The following AGBL4 variants were observed in gnomAD, a reference collection of about 807,000 sequenced individuals.
AGBL4 encodes cytosolic carboxypeptidase 6.
Under a neutral mutation model 66.4 loss-of-function variants are expected in AGBL4, and 58 were observed. The observed-to-expected ratio is 0.87, with a 90% CI of 0.71 to 1.09. AGBL4 has a LOEUF of 1.09. Among genes scored for constraint, AGBL4 ranks in the 50% least tolerant of loss-of-function variants. AGBL4 has a pLI of 0.00. For synonymous variants in AGBL4, 234 were observed against 222.9 expected (o/e 1.05, Z -0.44); for missense variants, 579 against 631.0 (o/e 0.92, Z 0.88).
chr1:49,842,231 G>T, intron 2 of AGBL4: 1 of 435,714 alleles, frequency 2.3e-6, no homozygotes, highest in Non-Finnish European at 4.5e-6. Context: ...GCTGGAGCCT[G>T]CCCAGAGGGC....
At chr1:49,015,882 C>A (rs560535229) in intron 5 of AGBL4, among the ~76,000 whole-genome samples, 82 of 152,060 alleles carry the variant, frequency 5.4e-4, no homozygotes, top group Middle Eastern at 3.4e-3. Flanking sequence ...CGGAAAAAAA[C>A]CCCCAAAAAC....
intron 1 of AGBL4, among the ~76,000 whole-genome samples, chr1:49,944,350 G>A (rs571555207): frequency 5.9e-5 from 9 of 152,218 alleles, no homozygotes; most frequent in Non-Finnish European, 1.0e-4. Flanking sequence ...ACGGCTAAGA[G>A]AACCTCAGAT....
At chr1:49,287,236 G>C (rs1361843745) in intron 3 of AGBL4, among the ~76,000 whole-genome samples, 2 of 137,906 alleles carry the variant, frequency 1.5e-5, no homozygotes, top group African/African-American at 5.5e-5. Context: ...AGACTTAAAC[G>C]TTAGACCTAA....
At chr1:48,834,458 A>G (rs1040904633) in intron 6 of AGBL4, among the ~76,000 whole-genome samples, 1 of 152,108 alleles carries the variant, frequency 6.6e-6, no homozygotes, top group African/African-American at 2.4e-5. Context: ...AACTTTCAAT[A>G]TGATAGTATG....
intron 5 of AGBL4, among the ~76,000 whole-genome samples, chr1:48,937,466 CA>C (rs1655577701): frequency 6.6e-6 from 1 of 151,846 alleles, no homozygotes; most frequent in African/African-American, 2.4e-5. Flanking sequence ...GACATGCCTT[CA>C]AAAAAATAAG....
At chr1:49,542,069 C>A (rs766726435) in intron 3 of AGBL4, among the ~76,000 whole-genome samples, 1 of 152,118 alleles carries the variant, frequency 6.6e-6, no homozygotes, top group African/African-American at 2.4e-5. Flanking sequence ...ACTTGGAGAA[C>A]GTTTGTGTCT....
chr1:49,451,722 T>C (rs1044954729), intron 3 of AGBL4, among the ~76,000 whole-genome samples: 2 of 151,940 alleles, frequency 1.3e-5, no homozygotes, highest in African/African-American at 2.4e-5. Context: ...TGGACTAGGG[T>C]CTCCTCAGAG....
intron 7 of AGBL4, among the ~76,000 whole-genome samples, chr1:48,661,994 C>T (rs533949211): frequency 6.6e-6 from 1 of 152,308 alleles, no homozygotes; most frequent in East Asian, 1.9e-4. Flanking sequence ...CTCAGTCATG[C>T]ATCATACAAG....
chr1:48,928,426 G>C (rs908384272), intron 5 of AGBL4, among the ~76,000 whole-genome samples: 1 of 152,128 alleles, frequency 6.6e-6, no homozygotes, highest in African/African-American at 2.4e-5. Flanking sequence ...TGGATCTGGG[G>C]CTCACTTTAG....
At chr1:49,980,010 T>C (rs555986646) in intron 1 of AGBL4, among the ~76,000 whole-genome samples, 7 of 152,322 alleles carry the variant, frequency 4.6e-5, no homozygotes, top group Middle Eastern at 3.4e-3. Context: ...TTCCTTATGA[T>C]TTTCTTAATA....
At chr1:49,805,831 A>G (rs1644964667) in intron 2 of AGBL4, among the ~76,000 whole-genome samples, 1 of 152,226 alleles carries the variant, frequency 6.6e-6, no homozygotes, top group Non-Finnish European at 1.5e-5. Context: ...TCTATGAAAC[A>G]GAAACTGGGC....
intron 7 of AGBL4, 66 bp from the exon 8 acceptor site, chr1:48,653,517 C>G: frequency 2.3e-6 from 3 of 1,281,268 alleles, no homozygotes; most frequent in Non-Finnish European, 3.3e-6. Flanking sequence ...ACATTTTTCT[C>G]AGCTTGGAAA....
intron 6 of AGBL4, chr1:48,727,828 G>T: frequency 2.0e-6 from 3 of 1,499,150 alleles, no homozygotes; most frequent in Non-Finnish European, 1.8e-6. Flanking sequence ...CGGCACCATC[G>T]CTCGCAAATC....
intron 1 of AGBL4, among the ~76,000 whole-genome samples, chr1:49,973,677 T>C (rs944990690): frequency 1.1e-4 from 17 of 148,492 alleles, no homozygotes; most frequent in Admixed American, 1.3e-4. Context: ...TGATATTGTA[T>C]ATTATATAGA....
At position 49,556,013 on chromosome 1, in the gene AGBL4, A is replaced by G. The variant is rs1374485075; in HGVS notation, c.282+141300T>C. 2.0e-5 allele frequency among the ~76,000 whole-genome samples: 3 copies of G among 152,292 alleles called. No individual in the cohort carries two copies. In the South Asian group the frequency reaches 6.2e-4, roughly 32 times the overall value. ...AGAACTAGAAATACCATTTGACTCA[A>G]CTATCCCATTACTGGGTATATACCC... On this transcript the variant is annotated intron_variant, in intron 3 of 13. Coordinates refer to ENST00000371839, the MANE Select transcript of AGBL4 (RefSeq NM_032785.4).
chr1:48,928,161 G>A (rs577331687), intron 5 of AGBL4, among the ~76,000 whole-genome samples: 1 of 152,314 alleles, frequency 6.6e-6, no homozygotes, highest in Non-Finnish European at 1.5e-5. Context: ...CTGACAGGAT[G>A]GGGAAGTCAG....
At chr1:49,230,814 A>C (rs1221759661) in intron 4 of AGBL4, among the ~76,000 whole-genome samples, 1 of 152,006 alleles carries the variant, frequency 6.6e-6, no homozygotes, top group African/African-American at 2.4e-5. Flanking sequence ...TTGTGAGCTT[A>C]TGTTTTTTCC....
At chr1:48,565,729 C>T (rs990719965) in intron 11 of AGBL4, among the ~76,000 whole-genome samples, 1 of 152,180 alleles carries the variant, frequency 6.6e-6, no homozygotes, top group Admixed American at 6.5e-5. Context: ...CTCTGGACTT[C>T]AGTGTCTCAT....
intron 1 of AGBL4, among the ~76,000 whole-genome samples, chr1:49,948,111 A>AT (rs1557608429): frequency 4.8e-5 from 4 of 83,336 alleles, no homozygotes; most frequent in African/African-American, 1.9e-4. Flanking sequence ...TATATATGTA[A>AT]ATGTATGTAA....
Sources: allele counts gnomAD v4.1 joint callset (sites outside exome capture counted in the v4.1 genomes callset), GRCh38; gene constraint gnomAD v4.1.1; transcripts MANE v1.5; gene names NCBI Gene and HGNC (gene_info 2026-07-23, HGNC 2026-07-21).